Variants in ANKRD42 observed in about 807,000 individuals in gnomAD.
ANKRD42 encodes ankyrin repeat domain-containing protein 42.
In ANKRD42, 43 loss-of-function variants were observed where a neutral mutation model predicts 51.5. The ratio of observed to expected loss-of-function variants is 0.83; its 90% CI spans 0.65 to 1.08. The LOEUF (loss-of-function observed/expected upper bound fraction) is 1.08, where lower values mean the gene tolerates loss of function less well. Among genes scored for constraint, ANKRD42 ranks in the 50% least tolerant of loss-of-function variants. ANKRD42 has a pLI of 0.00. For synonymous variants in ANKRD42, 203 were observed against 213.0 expected (o/e 0.95, Z 0.41); for missense variants, 608 against 629.3 (o/e 0.97, Z 0.36).
downstream of ANKRD42, chr11:83,257,287 C>T (rs143722642): frequency 1.1e-5 from 5 of 455,804 alleles, no homozygotes; most frequent in East Asian, 2.8e-4. Context: ...GCCAGGGAAG[C>T]CCAAAACCAG....
chr11:83,263,649 G>A (rs181377597), downstream of ANKRD42, among the ~76,000 whole-genome samples: 1 of 152,174 alleles, frequency 6.6e-6, no homozygotes, highest in Non-Finnish European at 1.5e-5. Flanking sequence ...GACCCACGAT[G>A]AACCATTCAG....
chr11:83,206,072 G>C lies in ANKRD42; in HGVS notation c.237G>C (p.Leu79=), dbSNP rs781475187. 30 of 1,613,302 alleles carry C rather than the reference G, an allele frequency of 1.9e-5. No individual in the cohort carries two copies. Among genetic ancestry groups the C allele is most frequent in the Non-Finnish European group, 2.4e-5 (28 of 1,179,620 alleles). Residue 79 remains leucine (L), a synonymous_variant, in exon 3 of 11, where the codon CTG becomes CTC. Transcript: ENST00000533342. ...HSGSLECLHW[L]LWHGADITHV... Reference sequence around the variant, plus strand: ...TATTTTCTTAGTGTCTTCATTGGCTGCTCTGGCATGGAGCTGATATCACAC... The same window carrying C: ...TATTTTCTTAGTGTCTTCATTGGCTCCTCTGGCATGGAGCTGATATCACAC...
intron 4 of ANKRD42, among the ~76,000 whole-genome samples, chr11:83,210,850 T>C (rs932606551): frequency 1.3e-5 from 2 of 152,234 alleles, no homozygotes; most frequent in Non-Finnish European, 2.9e-5. Context: ...TTTTATTATG[T>C]AGTGGTTGTA....
rs1226063770 is a variant in ANKRD42, at chr11:83,210,355, C to T, written c.386C>T (p.Pro129Leu). 1 of 1,613,898 alleles carries T rather than the reference C, an allele frequency of 6.2e-7. No homozygotes were observed. The highest frequency in any genetic ancestry group is 8.5e-7 in the Non-Finnish European group (1 of 1,179,926). Residue 129 changes from proline to leucine, a missense_variant, in exon 4 of 11, where the codon CCT becomes CTT. By Grantham distance (98) the Pro-to-Leu change is moderately conservative. Coordinates refer to ENST00000533342, the MANE Select transcript of ANKRD42 (RefSeq NM_001300975.2). The stretch of plus-strand genomic sequence containing the variant: ...GCCCAGGATGACCGGGGATGCACTC[C>T]TTTACATCTTGCTGCAACTCATGGA... ...LTAQDDRGCT[P>L]LHLAATHGHS...
At chr11:83,220,401 A>G (rs1289709437) in intron 5 of ANKRD42, among the ~76,000 whole-genome samples, 4 of 152,122 alleles carry the variant, frequency 2.6e-5, no homozygotes, top group Admixed American at 1.3e-4. Context: ...GTCCGATTGT[A>G]TTCACCACGT....
At position 83,248,804 on chromosome 11, in the gene ANKRD42, T is replaced by C; in HGVS notation, c.*600T>C. The C allele has an allele frequency of 1.0e-6, 1 of 977,712 alleles. No homozygotes were observed. The highest frequency in any genetic ancestry group is 1.2e-6 in the Non-Finnish European group (1 of 822,906). The allele number at this position is 977,712 out of a possible 1,614,324, so 60.6% of individuals were successfully genotyped here. A position where few individuals can be genotyped will look rare whatever the true frequency, so the allele number is the denominator to read the frequency against. On this transcript the variant is annotated 3_prime_UTR_variant, in exon 11 of 11. Coordinates refer to ENST00000533342, the MANE Select transcript of ANKRD42 (RefSeq NM_001300975.2). Reference sequence around the variant, plus strand: ...CTAAGTTCCACTCTCCAGAGGAAGCTATTGTTAACAATTTAGTACATACCA... The same window carrying C: ...CTAAGTTCCACTCTCCAGAGGAAGCCATTGTTAACAATTTAGTACATACCA...
intron 2 of ANKRD42, among the ~76,000 whole-genome samples, chr11:83,202,915 T>G (rs1861924670): frequency 6.6e-6 from 1 of 152,128 alleles, no homozygotes; most frequent in African/African-American, 2.4e-5. Context: ...GCTGAATTTG[T>G]TGAATTAAAT....
downstream of ANKRD42, among the ~76,000 whole-genome samples, chr11:83,263,166 C>G (rs1373230868): frequency 6.6e-6 from 1 of 152,148 alleles, no homozygotes; most frequent in Non-Finnish European, 1.5e-5. Flanking sequence ...AAGACTCAAT[C>G]TGTCATTTAT....
intron 7 of ANKRD42, among the ~76,000 whole-genome samples, chr11:83,235,439 A>C (rs189692483): frequency 1.3e-5 from 2 of 152,326 alleles, no homozygotes; most frequent in East Asian, 3.9e-4. Flanking sequence ...AAAGATGAGG[A>C]AATTGATGTT....
At chr11:83,261,413 A>C (rs1863919490), downstream of ANKRD42, 1 of 152,248 alleles carries the variant, frequency 6.6e-6, no homozygotes, top group African/African-American at 2.4e-5. Context: ...AAAAGAAATC[A>C]ATCTCCAACT....
At chr11:83,255,853 C>A in exon 12 of ANKRD42, 2 of 1,527,776 alleles carry the variant, frequency 1.3e-6, no homozygotes, top group Non-Finnish European at 1.7e-6. Context: ...AGGAAGACAG[C>A]GCTTCTTGTG....
chr11:83,252,000 C>G (rs1863683219), downstream of ANKRD42, among the ~76,000 whole-genome samples: 1 of 152,178 alleles, frequency 6.6e-6, no homozygotes, highest in Non-Finnish European at 1.5e-5. Flanking sequence ...TCCTTTCTTT[C>G]TCTCTGCTTT....
chr11:83,200,901 A>G (rs117693532), intron 2 of ANKRD42, among the ~76,000 whole-genome samples: 2,452 of 152,270 alleles, frequency 0.016, 31 homozygotes, highest in Middle Eastern at 0.027. Context: ...GTTTTATGCT[A>G]TAGTACTGGT....
chr11:83,248,919 T>C lies in ANKRD42; in HGVS notation c.*715T>C, dbSNP rs1210554449. ...CCACTTCCTCAGTTTCTCTGGGTTT[T>C]GGTGTCTCACCAGTGGTTGATTTTC... On this transcript the variant is annotated 3_prime_UTR_variant, in exon 11 of 11. Coordinates refer to ENST00000533342, the MANE Select transcript of ANKRD42 (RefSeq NM_001300975.2). 1 of 982,550 alleles carries C rather than the reference T, an allele frequency of 1.0e-6. No individual in the cohort carries two copies. The highest frequency in any genetic ancestry group is 1.1e-4 in the East Asian group (1 of 8,822). The allele number at this position is 982,550 out of a possible 1,614,324, so 60.9% of individuals were successfully genotyped here.
intron 9 of ANKRD42, 83 bp downstream of exon 9, chr11:83,241,017 A>G: frequency 1.4e-6 from 2 of 1,421,546 alleles, no homozygotes; most frequent in Non-Finnish European, 1.9e-6. Flanking sequence ...ACTATTCTAA[A>G]GACAAATACT....
At chr11:83,254,145 T>A (rs1231497183) in intron 11 of ANKRD42, among the ~76,000 whole-genome samples, 2 of 151,852 alleles carry the variant, frequency 1.3e-5, no homozygotes, top group African/African-American at 4.8e-5. Context: ...CAGCTAAATT[T>A]TTTTGTATTT....
rs778338601 is a variant in ANKRD42 at position 83,206,081 on chromosome 11, T to C, written c.246T>C (p.His82=). The C allele has an allele frequency of 5.0e-6, 8 of 1,613,992 alleles. No individual in the cohort carries two copies. In the Admixed American group the frequency reaches 8.3e-5, roughly 17 times the overall value. Residue 82 remains histidine, a synonymous_variant, in exon 3 of 11, where the codon CAT becomes CAC. Transcript: ENST00000533342. ...AGTGTCTTCATTGGCTGCTCTGGCA[T>C]GGAGCTGATATCACACACGTAACAA... ...SLECLHWLLW[H]GADITHVTTR...
downstream of ANKRD42, among the ~76,000 whole-genome samples, chr11:83,249,522 A>T (rs1037728931): frequency 6.6e-6 from 1 of 152,150 alleles, no homozygotes; most frequent in African/African-American, 2.4e-5. Flanking sequence ...AGCCATTCCA[A>T]ACTGTCTACT....
At chr11:83,202,350 T>C (rs1311964486) in intron 2 of ANKRD42, among the ~76,000 whole-genome samples, 1 of 152,222 alleles carries the variant, frequency 6.6e-6, no homozygotes, top group East Asian at 1.9e-4. Flanking sequence ...TTGGTCTATT[T>C]ATCTGTTTTG....
Sources: gnomAD v4.1 joint callset for allele counts (sites outside exome capture counted in the v4.1 genomes callset) on GRCh38, gnomAD v4.1.1 for gene constraint, MANE v1.5 for transcripts, NCBI Gene and HGNC (gene_info 2026-07-23, HGNC 2026-07-21) for gene names.